Variants in DACH2 observed in about 807,000 individuals in gnomAD.
DACH2 encodes the protein dachshund family transcription factor 2, also known as dachshund homolog 2.
In DACH2, 17 loss-of-function variants were observed where a neutral mutation model predicts 35.8. The ratio of observed to expected loss-of-function variants is 0.48; its 90% CI spans 0.33 to 0.71. The LOEUF is 0.71. DACH2 is among the 30% of genes least tolerant of loss of function. The pLI is 0.02. For synonymous variants in DACH2, 195 were observed against 177.3 expected (o/e 1.10, Z -0.79); for missense variants, 469 against 472.7 (o/e 0.99, Z 0.07).
At chrX:86,803,254 T>G (rs752288806) in intron 7 of DACH2, among the ~76,000 whole-genome samples, 54 of 111,773 alleles carry the variant, frequency 4.8e-4, no homozygotes, top group Non-Finnish European at 7.7e-4. Flanking sequence ...AAACTATGTG[T>G]GTGGGAGAGA....
At chrX:86,336,318 G>T (rs1159421426) in intron 1 of DACH2, among the ~76,000 whole-genome samples, 2 of 112,170 alleles carry the variant, frequency 1.8e-5, no homozygotes, top group African/African-American at 6.5e-5. Context: ...GTTTCAGAAA[G>T]AATGGTACCA....
intron 2 of DACH2, among the ~76,000 whole-genome samples, chrX:86,437,817 T>G (rs922393120): frequency 7.2e-5 from 8 of 110,869 alleles, no homozygotes; most frequent in Non-Finnish European, 1.3e-4. Context: ...ACTGGTAGTT[T>G]TTTTAGTTTT....
rs570460149 is a variant in DACH2 at position 86,254,805 on chromosome X, T to G, written c.488+105697T>G. Reference sequence around the variant, plus strand: ...AAATATATATATATATATATATATATATAGAGAGAGAGAGAGAGAGAGAGA... The same window carrying G: ...AAATATATATATATATATATATATAGATAGAGAGAGAGAGAGAGAGAGAGA... On this transcript the variant is annotated intron_variant, in intron 1 of 11. Transcript: ENST00000373125. Among the ~76,000 whole-genome samples the G allele has an allele frequency of 2.4e-3, 143 of 60,760 alleles. 2 individuals carry two copies. The East Asian group carries it at 0.026, about 11-fold the overall frequency. 52.8% of individuals were successfully genotyped at this position (60,760 alleles called of 115,157 possible).
At chrX:86,773,294 T>C (rs1016965452) in intron 7 of DACH2, among the ~76,000 whole-genome samples, 2 of 111,978 alleles carry the variant, frequency 1.8e-5, no homozygotes, top group East Asian at 2.8e-4. Context: ...GGAGAATACC[T>C]AGGTATTAGC....
chrX:86,416,317 T>G (rs1380258814), intron 2 of DACH2, among the ~76,000 whole-genome samples: 1 of 111,966 alleles, frequency 8.9e-6, no homozygotes, highest in Non-Finnish European at 1.9e-5. Context: ...AGTGAATGGA[T>G]TCAAGTCACT....
Position 86,205,818 on chromosome X carries a change from GAGCCTCCCAA to G in DACH2, c.488+56713_488+56722del, listed in dbSNP as rs1207756988. Among the ~76,000 whole-genome samples, 8 of 109,031 alleles carry G rather than the reference GAGCCTCCCAA, an allele frequency of 7.3e-5. No homozygotes were observed. In the East Asian group the frequency reaches 2.4e-3, roughly 32 times the overall value. The allele number at this position is 109,031 out of a possible 115,157, so 94.7% of individuals were successfully genotyped here. ...CTGACCTCAAGTGATCCTTCCACCTGAGCCTCCCAAAGTGCTGAGATGACAAGCATGAGCC... is the reference window on the plus strand; with the variant it reads ...CTGACCTCAAGTGATCCTTCCACCTGAGTGCTGAGATGACAAGCATGAGCC... On this transcript the variant is annotated intron_variant, in intron 1 of 11. Coordinates refer to ENST00000373125, the MANE Select transcript of DACH2 (RefSeq NM_053281.3).
chrX:86,686,101 G>T (rs1196035641), intron 4 of DACH2, among the ~76,000 whole-genome samples: 10 of 112,088 alleles, frequency 8.9e-5, no homozygotes, highest in African/African-American at 2.9e-4. Flanking sequence ...CTTTCAACTT[G>T]CAATACTTAC....
intron 1 of DACH2, among the ~76,000 whole-genome samples, chrX:86,340,890 C>A (rs1212596693): frequency 8.9e-6 from 1 of 111,882 alleles, no homozygotes; most frequent in East Asian, 2.8e-4. Context: ...CAAGGCCCTA[C>A]CGGTCTTCAA....
At chrX:86,737,411 T>C (rs1288798552) in intron 6 of DACH2, among the ~76,000 whole-genome samples, 1 of 112,166 alleles carries the variant, frequency 8.9e-6, no homozygotes, top group African/African-American at 3.2e-5. Context: ...ACATTTAAAA[T>C]TATTGCTATT....
chrX:86,256,549 A>C (rs1372983273), intron 1 of DACH2, among the ~76,000 whole-genome samples: 1 of 111,520 alleles, frequency 9.0e-6, no homozygotes, highest in East Asian at 2.8e-4. Context: ...CTGTACTTTA[A>C]CCAAAACAAC....
chrX:86,691,921 T>C (rs911850115), intron 4 of DACH2, among the ~76,000 whole-genome samples: 5 of 111,879 alleles, frequency 4.5e-5, no homozygotes, highest in South Asian at 3.7e-4. Context: ...CAAAATACTT[T>C]GCTAGTTTTA....
chrX:86,762,848 A>G (rs2041896593), intron 7 of DACH2, among the ~76,000 whole-genome samples: 1 of 111,874 alleles, frequency 8.9e-6, no homozygotes, highest in African/African-American at 3.3e-5. Context: ...TTTAAAATGT[A>G]CAATTGCATT....
At chrX:86,650,817 G>A (rs763843734) in intron 3 of DACH2, among the ~76,000 whole-genome samples, 1 of 110,597 alleles carries the variant, frequency 9.0e-6, no homozygotes, top group Admixed American at 9.7e-5. Context: ...AGTTAATTTT[G>A]GTTTGTGCTA....
rs1389885354 is a variant in DACH2 at position 86,254,157 on chromosome X, A to G, written c.488+105049A>G. On this transcript the variant is annotated intron_variant, in intron 1 of 11. Transcript: ENST00000373125. ...TCTTTGCATGTGGCATTTACATTTT[A>G]GATCATAGGGAAATTGGAGTTCTGA... 6.3e-5 allele frequency among the ~76,000 whole-genome samples: 7 copies of G among 111,775 alleles called. No homozygotes were observed. In the South Asian group the frequency reaches 2.6e-3, roughly 41 times the overall value.
intron 2 of DACH2, among the ~76,000 whole-genome samples, chrX:86,403,291 A>G (rs1318722041): frequency 1.8e-5 from 2 of 112,109 alleles, no homozygotes; most frequent in Non-Finnish European, 3.8e-5. Flanking sequence ...TGCATCTGTC[A>G]AAGGTCTAAT....
At chrX:86,661,006 A>G (rs2040599486) in intron 4 of DACH2, among the ~76,000 whole-genome samples, 2 of 111,438 alleles carry the variant, frequency 1.8e-5, no homozygotes, top group Non-Finnish European at 3.8e-5. Flanking sequence ...ATACTCAGAT[A>G]TTAACATCAC....
chrX:86,483,976 T>A (rs1204770401), intron 2 of DACH2, among the ~76,000 whole-genome samples: 1 of 111,871 alleles, frequency 8.9e-6, no homozygotes, highest in Non-Finnish European at 1.9e-5. Context: ...TACATGAGTG[T>A]CATATATGTA....
At chrX:86,826,240 A>C (rs779164848) in intron 11 of DACH2, among the ~76,000 whole-genome samples, 1 of 111,250 alleles carries the variant, frequency 9.0e-6, no homozygotes, top group Non-Finnish European at 1.9e-5. Context: ...CTAGAGATTC[A>C]ATAAAGGGGA....
At chrX:86,289,529 T>C (rs1352972737) in intron 1 of DACH2, among the ~76,000 whole-genome samples, 1 of 105,672 alleles carries the variant, frequency 9.5e-6, no homozygotes, top group Non-Finnish European at 1.9e-5. Context: ...CACTAACTCA[T>C]CATCTAGCAT....
Sources: gnomAD v4.1 joint callset for allele counts (sites outside exome capture counted in the v4.1 genomes callset) on GRCh38, gnomAD v4.1.1 for gene constraint, MANE v1.5 for transcripts, NCBI Gene and HGNC (gene_info 2026-07-23, HGNC 2026-07-21) for gene names.